Variants in TUBD1 observed in about 807,000 individuals in gnomAD.
The protein encoded by TUBD1 is tubulin delta 1.
TUBD1 carries 38 observed loss-of-function variants against 51.2 expected under a neutral mutation model. The observed-to-expected ratio is 0.74, with a 90% CI of 0.57 to 0.97. The LOEUF (loss-of-function observed/expected upper bound fraction) is 0.97. Ranked by LOEUF, TUBD1 falls within the 50% of genes least tolerant of loss-of-function variation. The probability of loss-of-function intolerance (pLI) is 0.00; values close to 1 mark genes in which losing one functional copy is unlikely to be tolerated. For synonymous variants in TUBD1, 169 were observed against 178.2 expected (o/e 0.95, Z 0.41); for missense variants, 489 against 538.4 (o/e 0.91, Z 0.91).
rs533687917 is a variant in TUBD1 at position 59,869,303 on chromosome 17, G to A, written c.935-2554C>T. Among the ~76,000 whole-genome samples the A allele has an allele frequency of 3.0e-4, 45 of 149,342 alleles. No homozygotes were observed. In the South Asian group the frequency reaches 3.3e-3, roughly 11 times the overall value. ...AGCCTGGCCAATATGGTGAAACCCC[G>A]TCTCTACTAAAAAAATACAAAAATT... On this transcript the variant is annotated intron_variant, in intron 6 of 8. Coordinates refer to ENST00000325752, the MANE Select transcript of TUBD1 (RefSeq NM_016261.4).
chr17:59,890,293 G>C (rs1036344241), intron 2 of TUBD1, among the ~76,000 whole-genome samples: 2 of 152,110 alleles, frequency 1.3e-5, no homozygotes, highest in Admixed American at 6.6e-5. Flanking sequence ...CACCAGGCTG[G>C]AGGGCAGTGG....
At chr17:59,868,254 A>C (rs2039804402) in intron 6 of TUBD1, among the ~76,000 whole-genome samples, 1 of 128,686 alleles carries the variant, frequency 7.8e-6, no homozygotes, top group East Asian at 2.2e-4. Flanking sequence ...ACTGCACTCC[A>C]CCCTGGGCAA....
Position 59,880,894 on chromosome 17 carries a change from C to T in TUBD1, c.537G>A (p.Glu179=), listed in dbSNP as rs774382800. The T allele has an allele frequency of 6.2e-7, 1 of 1,611,598 alleles. No homozygotes were observed. The highest frequency in any genetic ancestry group is 8.5e-7 in the Non-Finnish European group (1 of 1,177,778). ...NQIIWPYGTG[E]VIVQNYNSIL... ...AACTTTTCAATTAACATGTCCATAC[C>T]TCACCAGTTCCATAAGGCCAAATAA... Residue 179 remains glutamate, a splice_region_variant and synonymous_variant, in exon 4 of 9, where the codon GAG becomes GAA. Transcript: ENST00000325752.
At chr17:59,885,318 G>T in intron 3 of TUBD1, 1 of 633,540 alleles carries the variant, frequency 1.6e-6, no homozygotes, top group South Asian at 1.6e-5. Flanking sequence ...GTGAACCGAT[G>T]CACTGGCAGC....
At chr17:59,874,977 G>C (rs771168546) in intron 5 of TUBD1, among the ~76,000 whole-genome samples, 4 of 151,260 alleles carry the variant, frequency 2.6e-5, no homozygotes, top group Non-Finnish European at 5.9e-5. Flanking sequence ...CTGGAAATGT[G>C]AATGAAATAT....
intron 6 of TUBD1, among the ~76,000 whole-genome samples, chr17:59,867,074 C>T (rs934842953): frequency 6.6e-6 from 1 of 152,070 alleles, no homozygotes; most frequent in Non-Finnish European, 1.5e-5. Context: ...GGATTACAGG[C>T]GTGAGCCACT....
intron 3 of TUBD1, chr17:59,885,551 T>A: frequency 6.8e-7 from 1 of 1,466,422 alleles, no homozygotes; most frequent in Non-Finnish European, 9.5e-7. Context: ...CACTACTAGA[T>A]CTGAGGAGGC....
At chr17:59,874,781 G>A in intron 5 of TUBD1, 78 bp from the exon 6 acceptor site, 2 of 1,257,656 alleles carry the variant, frequency 1.6e-6, no homozygotes, top group Non-Finnish European at 2.2e-6. Flanking sequence ...ACCATGATTT[G>A]AAGGTTTTCT....
At chr17:59,871,783 T>A (rs1040869857) in intron 6 of TUBD1, among the ~76,000 whole-genome samples, 1 of 151,994 alleles carries the variant, frequency 6.6e-6, no homozygotes, top group African/African-American at 2.4e-5. Flanking sequence ...GGTTTAAACA[T>A]ATTAAGAAAG....
chr17:59,877,676 G>A (rs1281448268), intron 5 of TUBD1, among the ~76,000 whole-genome samples: 1 of 151,996 alleles, frequency 6.6e-6, no homozygotes, highest in East Asian at 1.9e-4. Context: ...TACTCAGGAG[G>A]CTGAAATAGG....
chr17:59,874,550 T>A lies in TUBD1; in HGVS notation c.923A>T (p.Lys308Met). 1 of 1,611,052 alleles carries A rather than the reference T, an allele frequency of 6.2e-7. No individual in the cohort carries two copies. The highest frequency in any genetic ancestry group is 8.5e-7 in the Non-Finnish European group (1 of 1,179,454). ...GGACTACTCTTTACCTTCTTCCATC[T>A]TTGCATTAGAAATGAGCATCTGTCT... Reference protein sequence around the residue: ...HLRQMLISNAKMEEGIDRHVW... With the variant: ...HLRQMLISNAMMEEGIDRHVW... The change falls in exon 6 of 9, where the codon AAG becomes ATG. Residue 308 changes from lysine (K) to methionine (M), a missense_variant. By Grantham distance (95) the Lys-to-Met change is moderately conservative. Transcript: ENST00000325752.
intron 4 of TUBD1, among the ~76,000 whole-genome samples, chr17:59,879,097 A>G (rs1022458101): frequency 2.6e-5 from 4 of 151,974 alleles, no homozygotes; most frequent in Non-Finnish European, 5.9e-5. Flanking sequence ...CAACATGGAA[A>G]AACCCCCCAC....
intron 8 of TUBD1, among the ~76,000 whole-genome samples, chr17:59,862,121 C>T (rs2039478430): frequency 2.0e-5 from 3 of 150,924 alleles, no homozygotes; most frequent in Middle Eastern, 3.4e-3. Flanking sequence ...GTCAGGAGTT[C>T]GAGACCAGCC....
chr17:59,890,709 C>G lies in TUBD1; in HGVS notation c.172+122G>C, dbSNP rs865904948. 1.4e-4 allele frequency: 115 copies of G among 839,048 alleles called. No individual in the cohort carries two copies. In the African/African-American group the frequency reaches 1.8e-3, roughly 13 times the overall value. 52.0% of individuals were successfully genotyped at this position (839,048 alleles called of 1,614,324 possible). A position where few individuals can be genotyped will look rare whatever the true frequency, so the allele number is the denominator to read the frequency against. On this transcript the variant is annotated intron_variant, in intron 2 of 8. Transcript: ENST00000325752. ...AGATTATTAACATAGAAATGAAAAG[C>G]AAAAACAAAGTAATTCCCTAGTGAG...
At chr17:59,884,651 T>C (rs544428866) in intron 3 of TUBD1, 6 of 152,488 alleles carry the variant, frequency 3.9e-5, no homozygotes, top group African/African-American at 9.7e-5. Flanking sequence ...CTGGGTGCAG[T>C]GGCTCATACC....
In TUBD1 at chr17:59,891,152, A is replaced by G. The variant is rs888681292; in HGVS notation, c.-39-111T>C. ...TAAAAAGTCTTTTTTCCCCCCTGAG[A>G]CGGAGTCTTGTTCTGTCACCCAGGC... On this transcript the variant is annotated intron_variant, in intron 1 of 8. Transcript: ENST00000325752. 12 of 609,372 alleles carry G rather than the reference A, an allele frequency of 2.0e-5. No homozygotes were observed. The Admixed American group carries it at 3.4e-4, about 17-fold the overall frequency. 37.7% of individuals were successfully genotyped at this position (609,372 alleles called of 1,614,324 possible). A position where few individuals can be genotyped will look rare whatever the true frequency, so the allele number is the denominator to read the frequency against.
At chr17:59,891,217 G>A (rs1265438307) in intron 1 of TUBD1, among the ~76,000 whole-genome samples, 176 bp from the exon 2 acceptor site, 1 of 151,998 alleles carries the variant, frequency 6.6e-6, no homozygotes, top group Non-Finnish European at 1.5e-5. Context: ...TGCAACCTCC[G>A]CCTCCCAGGT....
chr17:59,885,508 G>A lies in TUBD1; in HGVS notation c.320+575C>T, dbSNP rs553897028. 123 of 1,581,530 alleles carry A rather than the reference G, an allele frequency of 7.8e-5. 1 individual carries two copies. In the African/African-American group the frequency reaches 1.3e-3, roughly 17 times the overall value. On this transcript the variant is annotated intron_variant, in intron 3 of 8. Transcript: ENST00000325752. ...CAATAATCTGTACCTGGAACGAGGC[G>A]GTGATCCCTCCAAAGAACCTGAGTC...
chr17:59,861,891 C>T (rs1489252813), intron 8 of TUBD1, among the ~76,000 whole-genome samples: 3 of 151,452 alleles, frequency 2.0e-5, no homozygotes, highest in Non-Finnish European at 4.4e-5. Context: ...TGGTCTCAAA[C>T]TCCTGATCTT....
Sources: allele counts gnomAD v4.1 joint callset (sites outside exome capture counted in the v4.1 genomes callset), GRCh38; gene constraint gnomAD v4.1.1; transcripts MANE v1.5; gene names NCBI Gene and HGNC (gene_info 2026-07-23, HGNC 2026-07-21).